Variants in GDNF observed in about 807,000 individuals in gnomAD.
GDNF encodes the protein glial cell derived neurotrophic factor.
Under a neutral mutation model 13.7 loss-of-function variants are expected in GDNF, and 5 were observed. That is an observed-to-expected ratio of 0.36 (90% confidence interval 0.19 to 0.77). GDNF has a LOEUF of 0.77. GDNF is among the 30% of genes least tolerant of loss of function. The pLI, the probability that GDNF is intolerant of heterozygous loss-of-function variation, is 0.51. For synonymous variants in GDNF, 122 were observed against 112.5 expected (o/e 1.08, Z -0.53); for missense variants, 246 against 274.3 (o/e 0.90, Z 0.73).
Position 37,815,716 on chromosome 5 carries a change from A to G in GDNF, c.571T>C (p.Leu191=). The change falls in exon 3 of 3, where the codon TTA becomes CTA. Residue 191 remains leucine (L), a synonymous_variant. Coordinates refer to ENST00000326524, the MANE Select transcript of GDNF (RefSeq NM_000514.4). This position sits in a 1 kb window ranked among gnomAD's most constrained non-coding sequence, Gnocchi z 5.0. The part of the protein sequence containing the change: ...PIAFDDDLSF[L]DDNLVYHILR... The stretch of plus-strand genomic sequence containing the variant: ...ATATGGTAAACCAGGTTATCATCTA[A>G]AAACGACAGGTCATCATCAAAGGCG... The G allele has an allele frequency of 4.3e-6, 7 of 1,613,902 alleles. No individual in the cohort carries two copies. The highest frequency in any genetic ancestry group is 5.9e-6 in the Non-Finnish European group (7 of 1,179,772).
chr5:37,834,924 T>C, intron 1 of GDNF, 102 bp from the exon 2 acceptor site: 1 of 1,054,002 alleles, frequency 9.5e-7, no homozygotes, highest in East Asian at 2.7e-5. Flanking sequence ...GTCACCGCCC[T>C]CCTCCGGCAC....
intron 2 of GDNF, among the ~76,000 whole-genome samples, chr5:37,826,251 T>G (rs1750309841): frequency 1.3e-5 from 2 of 152,212 alleles, no homozygotes; most frequent in East Asian, 3.9e-4. Flanking sequence ...TTCAGCTCAG[T>G]TCCTGGTCCA....
At chr5:37,828,267 G>A (rs978811362) in intron 2 of GDNF, among the ~76,000 whole-genome samples, 2 of 152,186 alleles carry the variant, frequency 1.3e-5, no homozygotes, top group Non-Finnish European at 2.9e-5. Flanking sequence ...ACCTTGCTTT[G>A]TTGCAAAGAG....
chr5:37,834,735 G>C lies in GDNF; in HGVS notation c.62C>G (p.Pro21Arg). 6.2e-7 allele frequency: 1 copy of C among 1,612,018 alleles called. No individual in the cohort carries two copies. Among genetic ancestry groups the C allele is most frequent in the Non-Finnish European group, 8.5e-7 (1 of 1,179,296 alleles). ...GGGAGGCCTCTTACCGGCGGGCAGCGGGAAGGCGGACGCGGTGTGGAGCAG... is the reference window on the plus strand; with the variant it reads ...GGGAGGCCTCTTACCGGCGGGCAGCCGGAAGGCGGACGCGGTGTGGAGCAG... ...LVLLHTASAF[P>R]LPAGKRPPEA... Residue 21 changes from proline to arginine, a missense_variant, in exon 2 of 3, where the codon CCG becomes CGG. Coordinates refer to ENST00000326524, the MANE Select transcript of GDNF (RefSeq NM_000514.4).
chr5:37,835,301 T>TAG, intron 1 of GDNF: 1 of 484,096 alleles, frequency 2.1e-6, no homozygotes. Context: ...AAGGACGGTG[T>TAG]TTCTCTTTGG....
chr5:37,834,513 C>T, intron 2 of GDNF, 133 bp downstream of exon 2: 1 of 835,772 alleles, frequency 1.2e-6, no homozygotes, highest in Non-Finnish European at 1.8e-6. Flanking sequence ...GCTTCAGCAC[C>T]CGCACCCCTT....
chr5:37,826,815 C>T (rs1184536953), intron 2 of GDNF, among the ~76,000 whole-genome samples: 1 of 152,200 alleles, frequency 6.6e-6, no homozygotes, highest in Non-Finnish European at 1.5e-5. Flanking sequence ...GTCCCCTTTT[C>T]CAATCCCTCT....
intron 1 of GDNF, among the ~76,000 whole-genome samples, chr5:37,835,154 T>C (rs558946857): frequency 3.7e-4 from 41 of 111,210 alleles, no homozygotes; most frequent in African/African-American, 1.3e-3. Flanking sequence ...TCCAGTCCCC[T>C]CTACTGGTGC....
chr5:37,834,856 C>A (rs1750648266), intron 1 of GDNF, 34 bp from the exon 2 acceptor site: 1 of 1,598,424 alleles, frequency 6.3e-7, no homozygotes, highest in Admixed American at 1.7e-5. Flanking sequence ...GGGAGAGAAC[C>A]GCAGAATGCA....
In GDNF at chr5:37,838,260, G is replaced by A. The variant is rs1750778871; in HGVS notation, c.-27+1247C>T. Among the ~76,000 whole-genome samples the A allele has an allele frequency of 6.6e-6, 1 of 152,182 alleles. No homozygotes were observed. Among genetic ancestry groups the A allele is most frequent in the Admixed American group, 6.5e-5 (1 of 15,278 alleles). On this transcript the variant is annotated intron_variant, in intron 1 of 2. Transcript: ENST00000326524. This position sits in a 1 kb window ranked among gnomAD's most constrained non-coding sequence, Gnocchi z 4.1. ...CTAGCGGGAAAGGGCTAGGGACACGGCGGACTTCCCAGAGATCGGACACTT... is the reference window on the plus strand; with the variant it reads ...CTAGCGGGAAAGGGCTAGGGACACGACGGACTTCCCAGAGATCGGACACTT...
Position 37,839,745 on chromosome 5 carries a change from G to GC in GDNF, c.-266dup, listed in dbSNP as rs1400133209. 1 of 152,188 alleles carries GC rather than the reference G, an allele frequency of 6.6e-6. No individual in the cohort carries two copies. The highest frequency in any genetic ancestry group is 1.9e-4 in the East Asian group (1 of 5,180). 9.4% of individuals were successfully genotyped at this position (152,188 alleles called of 1,614,324 possible). On this transcript the variant is annotated 5_prime_UTR_variant, in exon 1 of 3. Coordinates refer to ENST00000326524, the MANE Select transcript of GDNF (RefSeq NM_000514.4). The surrounding 1 kb of genome is among the most constrained non-coding windows in gnomAD (Gnocchi z 5.5). ...GGGCTGCCGGCAACTCTCCCGCCGG[G>GC]CCCCCGCACCCCCAGAAGCCGAGGT... is the stretch of plus-strand genomic sequence containing the variant.
At position 37,837,820 on chromosome 5, in the gene GDNF, T is replaced by TC. The variant is rs1299582869; in HGVS notation, c.-27+1686dup. Among the ~76,000 whole-genome samples the TC allele has an allele frequency of 2.0e-5, 3 of 151,792 alleles. No individual in the cohort carries two copies. The highest frequency in any genetic ancestry group is 4.4e-5 in the Non-Finnish European group (3 of 67,954). On this transcript the variant is annotated intron_variant, in intron 1 of 2. Transcript: ENST00000326524. The surrounding 1 kb of genome is among the most constrained non-coding windows in gnomAD (Gnocchi z 6.5). Reference sequence around the variant, plus strand: ...TGCTTTCAGACCATCCCTCACCCCTTCCACGCGTCACCGTGACAGATTCGC... The same window carrying TC: ...TGCTTTCAGACCATCCCTCACCCCTTCCCACGCGTCACCGTGACAGATTCGC...
rs1172870630 is a variant in GDNF, at chr5:37,816,121, C to A, written c.166G>T (p.Asp56Tyr). The A allele has an allele frequency of 6.2e-7, 1 of 1,613,534 alleles. No individual in the cohort carries two copies. Among genetic ancestry groups the A allele is most frequent in the Admixed American group, 1.7e-5 (1 of 60,002 alleles). Residue 56 changes from aspartate to tyrosine, a missense_variant, in exon 3 of 3, where the codon GAT (aspartate) becomes TAT (tyrosine). Transcript: ENST00000326524. ...ACATCATCGAACTGATCAGGATAATCCTCTGGCATATTTGCTGTTCAAAAA... is the reference window on the plus strand; with the variant it reads ...ACATCATCGAACTGATCAGGATAATACTCTGGCATATTTGCTGTTCAAAAA... ...ALSSDSNMPEDYPDQFDDVMD... is the reference protein window; with the variant it reads ...ALSSDSNMPEYYPDQFDDVMD...
Position 37,837,994 on chromosome 5 carries a change from G to GT in GDNF, c.-27+1512dup, listed in dbSNP as rs75624956. On this transcript the variant is annotated intron_variant, in intron 1 of 2. Transcript: ENST00000326524. The surrounding 1 kb of genome is among the most constrained non-coding windows in gnomAD (Gnocchi z 6.5). Reference sequence around the variant, plus strand: ...GGGAGACGGGTTTGCTATAAACTCGGTTTTTTTTTTTTTTTTTTTGGCGGG... The same window carrying GT: ...GGGAGACGGGTTTGCTATAAACTCGGTTTTTTTTTTTTTTTTTTTTGGCGGG... 0.1 allele frequency among the ~76,000 whole-genome samples: 12,706 copies of GT among 125,386 alleles called. 691 individuals carry two copies. Among genetic ancestry groups the GT allele is most frequent in the Admixed American group, 0.11 (1,370 of 12,318 alleles). The allele number at this position is 125,386 out of a possible 152,430, so 82.3% of individuals were successfully genotyped here. A position where few individuals can be genotyped will look rare whatever the true frequency, so the allele number is the denominator to read the frequency against.
At chr5:37,818,934 C>T (rs72745202) in intron 2 of GDNF, among the ~76,000 whole-genome samples, 5,545 of 152,230 alleles carry the variant, frequency 0.036, 116 homozygotes, top group Non-Finnish European at 0.052. Context: ...CTGCGCCTCC[C>T]CCTCCACCAT....
chr5:37,834,189 G>A (rs1750617328), intron 2 of GDNF, among the ~76,000 whole-genome samples: 1 of 152,264 alleles, frequency 6.6e-6, no homozygotes, highest in South Asian at 2.1e-4. Flanking sequence ...TGAAAAGCCG[G>A]CCTCTCGCCT....
At chr5:37,827,146 A>T (rs2910703) in intron 2 of GDNF, among the ~76,000 whole-genome samples, 266 of 152,260 alleles carry the variant, frequency 1.7e-3, no homozygotes, top group African/African-American at 5.8e-3. Context: ...CTTGGGAATC[A>T]TTTTAGATTA....
At chr5:37,820,006 A>G (rs755214413) in intron 2 of GDNF, among the ~76,000 whole-genome samples, 2 of 152,224 alleles carry the variant, frequency 1.3e-5, no homozygotes, top group Non-Finnish European at 2.9e-5. Flanking sequence ...AACTTATGAA[A>G]CAGATCTATT....
rs571321882 is a variant in GDNF, at chr5:37,834,571, G to T, written c.151+75C>A. ...CAGCCATCAGGCTGGCTTGGGGTAC[G>T]TGCGGGGCTGGCTGCGGGTGGGGGT... On this transcript the variant is annotated intron_variant, in intron 2 of 2. Transcript: ENST00000326524. The T allele has an allele frequency of 4.7e-6, 6 of 1,289,134 alleles. No homozygotes were observed. The Admixed American group carries it at 8.8e-5, about 19-fold the overall frequency. 79.9% of individuals were successfully genotyped at this position (1,289,134 alleles called of 1,614,324 possible).
Sources: gnomAD v4.1 joint callset for allele counts (sites outside exome capture counted in the v4.1 genomes callset) on GRCh38, gnomAD v4.1.1 for gene constraint, Gnocchi (gnomAD v3.1) non-coding constraint, MANE v1.5 for transcripts, NCBI Gene and HGNC (gene_info 2026-07-23, HGNC 2026-07-21) for gene names.